Variants in GALNT10 observed in about 807,000 individuals in gnomAD.
GALNT10 encodes polypeptide N-acetylgalactosaminyltransferase 10.
In GALNT10, 41 loss-of-function variants were observed where a neutral mutation model predicts 75.0. The ratio of observed to expected loss-of-function variants is 0.55; its 90% CI spans 0.43 to 0.71. The LOEUF (loss-of-function observed/expected upper bound fraction) is 0.71. GALNT10 is among the 30% of genes least tolerant of loss of function. GALNT10 has a pLI of 0.00. For synonymous variants in GALNT10, 302 were observed against 313.0 expected (o/e 0.96, Z 0.37); for missense variants, 727 against 818.5 (o/e 0.89, Z 1.36).
intron 9 of GALNT10, among the ~76,000 whole-genome samples, chr5:154,411,217 A>G (rs1756391119): frequency 6.6e-6 from 1 of 152,186 alleles, no homozygotes; most frequent in Non-Finnish European, 1.5e-5. Flanking sequence ...GCTTAAGACA[A>G]CCTGGATCCA....
chr5:154,202,742 A>T (rs757818358), intron 1 of GALNT10, among the ~76,000 whole-genome samples: 2 of 152,182 alleles, frequency 1.3e-5, no homozygotes, highest in African/African-American at 4.8e-5. Flanking sequence ...TTTCCCACCC[A>T]TAACTCTTCC....
chr5:154,220,277 G>A (rs1178877809), intron 1 of GALNT10: 1 of 152,144 alleles, frequency 6.6e-6, no homozygotes, highest in Non-Finnish European at 1.5e-5. Flanking sequence ...ATTGCTTATA[G>A]TACTCAGTGA....
chr5:154,350,202 A>G (rs929418166), intron 4 of GALNT10, among the ~76,000 whole-genome samples: 1 of 151,118 alleles, frequency 6.6e-6, no homozygotes, highest in Non-Finnish European at 1.5e-5. Flanking sequence ...AAAAAAAAAA[A>G]TGTAGTCCCC....
intron 1 of GALNT10, among the ~76,000 whole-genome samples, chr5:154,291,830 T>G (rs942747977): frequency 1.3e-5 from 2 of 152,016 alleles, no homozygotes; most frequent in Non-Finnish European, 2.9e-5. Flanking sequence ...GCCAGGCAGG[T>G]AACAAAAATG....
Position 154,190,996 on chromosome 5 carries a change from G to T in GALNT10, c.130G>T (p.Gly44Trp). ...GCCCGACGGCACCCCTGGGGGATCGGGGGCGGCGGTGGCGCCGGCGGCGGG... is the reference window on the plus strand; with the variant it reads ...GCCCGACGGCACCCCTGGGGGATCGTGGGCGGCGGTGGCGCCGGCGGCGGG... ...RQPDGTPGGSGAAVAPAAGQG... is the reference protein window; with the variant it reads ...RQPDGTPGGSWAAVAPAAGQG... Residue 44 changes from glycine to tryptophan, a missense_variant, in exon 1 of 12, where the codon GGG becomes TGG. By Grantham distance (184) the Gly-to-Trp change is radical. Transcript: ENST00000297107. The T allele has an allele frequency of 6.7e-7, 1 of 1,489,984 alleles. No individual in the cohort carries two copies. The allele number at this position is 1,489,984 out of a possible 1,614,324, so 92.3% of individuals were successfully genotyped here.
chr5:154,249,301 C>G (rs1015701672), intron 1 of GALNT10, among the ~76,000 whole-genome samples: 1 of 152,204 alleles, frequency 6.6e-6, no homozygotes, highest in Admixed American at 6.5e-5. Context: ...TGCTGCCGGA[C>G]TGGGGACCGC....
At chr5:154,309,954 A>G (rs553490774) in intron 3 of GALNT10, among the ~76,000 whole-genome samples, 1 of 152,348 alleles carries the variant, frequency 6.6e-6, no homozygotes, top group East Asian at 1.9e-4. Context: ...CTGAGGCATA[A>G]CAGATAGTAA....
intron 4 of GALNT10, among the ~76,000 whole-genome samples, chr5:154,375,833 T>C (rs1475336306): frequency 6.6e-6 from 1 of 152,232 alleles, no homozygotes; most frequent in Non-Finnish European, 1.5e-5. Context: ...ACAATCACTG[T>C]GGCCAAGGGA....
At chr5:154,381,144 G>A (rs750063) in intron 6 of GALNT10, among the ~76,000 whole-genome samples, 44,801 of 152,066 alleles carry the variant, frequency 0.29, 6,897 homozygotes, top group East Asian at 0.52. Flanking sequence ...TTTTCCCATC[G>A]TACTGCTATA....
intron 1 of GALNT10, among the ~76,000 whole-genome samples, chr5:154,292,528 G>T (rs960761823): frequency 6.6e-6 from 1 of 152,150 alleles, no homozygotes; most frequent in Non-Finnish European, 1.5e-5. Flanking sequence ...AGGGAGGGCT[G>T]GAGAAAGGAG....
rs779123658 is a variant in GALNT10 at position 154,412,977 on chromosome 5, G to A, written c.1475G>A (p.Arg492His). Reference sequence around the variant, plus strand: ...AGGCTAGAGGGCTGCGTCCGAGGCCGTGGGGAGGCTGCCTGGAACAACATG... The same window carrying A: ...AGGCTAGAGGGCTGCGTCCGAGGCCATGGGGAGGCTGCCTGGAACAACATG... ...PLRLEGCVRG[R>H]GEAAWNNMQV... is the part of the protein sequence containing the mutation. Residue 492 changes from arginine to histidine, a missense_variant, in exon 10 of 12, where the codon CGT becomes CAT. Coordinates refer to ENST00000297107, the MANE Select transcript of GALNT10 (RefSeq NM_198321.4). The surrounding 1 kb of genome is among the most constrained non-coding windows in gnomAD (Gnocchi z 4.2). 6.2e-5 allele frequency: 100 copies of A among 1,611,904 alleles called. 1 individual carries two copies. In the South Asian group the frequency reaches 8.9e-4, roughly 14 times the overall value.
At chr5:154,315,287 G>A (rs548986165) in intron 3 of GALNT10, among the ~76,000 whole-genome samples, 1 of 152,382 alleles carries the variant, frequency 6.6e-6, no homozygotes, top group East Asian at 1.9e-4. Context: ...ACGGGCAATA[G>A]AGGGAAATGG....
At chr5:154,375,343 C>G (rs1378641347) in intron 4 of GALNT10, among the ~76,000 whole-genome samples, 2 of 152,160 alleles carry the variant, frequency 1.3e-5, no homozygotes, top group African/African-American at 2.4e-5. Flanking sequence ...TTGCAGCCAT[C>G]CTAGAGTCTT....
intron 1 of GALNT10, among the ~76,000 whole-genome samples, chr5:154,254,775 CAG>C (rs1164549416): frequency 2.0e-5 from 3 of 152,114 alleles, no homozygotes; most frequent in Non-Finnish European, 4.4e-5. Flanking sequence ...CTGCAAGTAA[CAG>C]AAAACTCTAT....
chr5:154,406,380 C>T (rs1211919483), intron 8 of GALNT10: 1 of 152,260 alleles, frequency 6.6e-6, no homozygotes, highest in Non-Finnish European at 1.5e-5. Context: ...TCCCCAGGGA[C>T]TCTGTGATCC....
intron 1 of GALNT10, among the ~76,000 whole-genome samples, chr5:154,288,318 T>C (rs1020405209): frequency 4.6e-5 from 7 of 152,120 alleles, no homozygotes; most frequent in African/African-American, 1.7e-4. Context: ...TTGAGCAGAA[T>C]GTAGTTGGCT....
chr5:154,396,648 C>T (rs1344535573), intron 7 of GALNT10, among the ~76,000 whole-genome samples: 3 of 152,284 alleles, frequency 2.0e-5, no homozygotes, highest in South Asian at 4.1e-4. Flanking sequence ...AGGGTGTGAT[C>T]ATGCCTCCCT....
chr5:154,388,132 T>C (rs962054809), intron 7 of GALNT10: 8 of 152,136 alleles, frequency 5.3e-5, no homozygotes, highest in Non-Finnish European at 1.0e-4. Flanking sequence ...CCTCAGGTGA[T>C]CCACCCACCT....
chr5:154,338,280 T>G (rs1459273642), intron 4 of GALNT10: 1 of 663,978 alleles, frequency 1.5e-6, no homozygotes, highest in East Asian at 2.7e-5. Flanking sequence ...TGCTTGGTGC[T>G]TGGATCTCTC....
Sources: gnomAD v4.1 joint callset for allele counts (sites outside exome capture counted in the v4.1 genomes callset) on GRCh38, gnomAD v4.1.1 for gene constraint, Gnocchi (gnomAD v3.1) non-coding constraint, MANE v1.5 for transcripts, NCBI Gene and HGNC (gene_info 2026-07-23, HGNC 2026-07-21) for gene names.